OBI1: variants seen among roughly 807,000 people sequenced by gnomAD.
OBI1 encodes the protein ORC ubiquitin ligase 1, also known as ring finger protein 219.
OBI1 carries 59 observed loss-of-function variants against 62.4 expected under a neutral mutation model. The observed-to-expected ratio is 0.95, with a 90% CI of 0.77 to 1.17. OBI1 has a LOEUF of 1.17. Among genes scored for constraint, OBI1 ranks in the 50% most tolerant of loss-of-function variants. The pLI is 0.00. For synonymous variants in OBI1, 302 were observed against 292.8 expected (o/e 1.03, Z -0.32); for missense variants, 875 against 830.9 (o/e 1.05, Z -0.65).
chr13:78,618,195 CT>C (rs1488258177), intron 5 of OBI1, among the ~76,000 whole-genome samples: 3 of 152,064 alleles, frequency 2.0e-5, no homozygotes, highest in African/African-American at 7.2e-5. Context: ...CTCCAAAATT[CT>C]TTTCAAAGCC....
chr13:78,642,085 A>G (rs1486574213), intron 3 of OBI1, 37 bp downstream of exon 3: 1 of 1,253,458 alleles, frequency 8.0e-7, no homozygotes. Context: ...CCTTGAATTC[A>G]CTGCTAACAT....
Position 78,659,111 on chromosome 13 carries a change from T to A in OBI1, c.10A>T (p.Thr4Ser), listed in dbSNP as rs1451013646. MAQ[T>S]VQNVTLSLTL... is the part of the protein sequence containing the mutation. The stretch of plus-strand genomic sequence containing the variant: ...AGCGACAATGTAACATTCTGCACGG[T>A]CTGAGCCATGGCAGCGTTCAGAATC... The change falls in exon 1 of 6, where the codon ACC becomes TCC. Residue 4 changes from threonine (T) to serine (S), a missense_variant. By Grantham distance (58) the Thr-to-Ser change is moderately conservative. Coordinates refer to ENST00000282003, the MANE Select transcript of OBI1 (RefSeq NM_024546.4). 4 of 1,611,196 alleles carry A rather than the reference T, an allele frequency of 2.5e-6. No homozygotes were observed. Among genetic ancestry groups the A allele is most frequent in the Non-Finnish European group, 3.4e-6 (4 of 1,179,178 alleles).
chr13:78,616,996 T>C lies in OBI1; in HGVS notation c.765A>G (p.Ala255=), dbSNP rs1326278439. ...TCTCTTCACTTGAATTTTTTAGCTG[T>C]GCAACTTGAGATTCTAGTTCCTCTA... ...KYIEELESQV[A]QLKNSSEEKE... is the part of the protein sequence containing the mutation. The change falls in exon 6 of 6, where the codon GCA becomes GCG. Residue 255 remains alanine (A), a synonymous_variant. Transcript: ENST00000282003. 3.7e-6 allele frequency: 6 copies of C among 1,614,104 alleles called. No individual in the cohort carries two copies. The highest frequency in any genetic ancestry group is 1.7e-5 in the Admixed American group (1 of 60,008).
intron 3 of OBI1, among the ~76,000 whole-genome samples, chr13:78,639,942 G>T (rs7989543): frequency 0.46 from 68,739 of 149,236 alleles, 17,971 homozygotes; most frequent in African/African-American, 0.72. Flanking sequence ...TGTATACATA[G>T]GTAACTAACC....
intron 1 of OBI1, among the ~76,000 whole-genome samples, chr13:78,656,537 G>C (rs1029054325): frequency 6.6e-6 from 1 of 151,698 alleles, no homozygotes; most frequent in African/African-American, 2.4e-5. Flanking sequence ...AGCCGAGATC[G>C]CGCCATTGCT....
rs1286746889 is a variant in OBI1, at chr13:78,616,319, T to C, written c.1442A>G (p.Glu481Gly). ...STSYAQNLDF[E>G]SSEGNTIANS... ...TGCTATCGTGTTCCCCTCTGAACTTTCAAAATCTAAGTTTTGGGCATAGCT... is the reference window on the plus strand; with the variant it reads ...TGCTATCGTGTTCCCCTCTGAACTTCCAAAATCTAAGTTTTGGGCATAGCT... The change falls in exon 6 of 6, where the codon GAA (glutamate) becomes GGA (glycine). Residue 481 changes from glutamate (E) to glycine (G), a missense_variant. Glu to Gly is a moderately conservative substitution (Grantham distance 98). Transcript: ENST00000282003. 1.9e-6 allele frequency: 3 copies of C among 1,614,128 alleles called. No homozygotes were observed. The highest frequency in any genetic ancestry group is 3.3e-5 in the Admixed American group (2 of 60,024).
intron 5 of OBI1, among the ~76,000 whole-genome samples, chr13:78,633,651 G>C (rs925128731): frequency 1.1e-4 from 17 of 152,068 alleles, no homozygotes; most frequent in African/African-American, 3.6e-4. Flanking sequence ...AGAACCTTAA[G>C]TGCTGTCTGC....
chr13:78,615,636 T>C lies in OBI1; in HGVS notation c.2125A>G (p.Arg709Gly). 6.2e-7 allele frequency: 1 copy of C among 1,613,730 alleles called. No homozygotes were observed. The highest frequency in any genetic ancestry group is 8.5e-7 in the Non-Finnish European group (1 of 1,179,886). Residue 709 changes from arginine to glycine, a missense_variant, in exon 6 of 6, where the codon AGA (arginine) becomes GGA (glycine). Transcript: ENST00000282003. Reference sequence around the variant, plus strand: ...CTGGAAAGGCTGCTCTGGATTTTTCTTTTTGTTGATTGATTCACATTTTTA... The same window carrying C: ...CTGGAAAGGCTGCTCTGGATTTTTCCTTTTGTTGATTGATTCACATTTTTA... ...RNKNVNQSTK[R>G]KIQSSLSSAS...
intron 2 of OBI1, among the ~76,000 whole-genome samples, chr13:78,643,775 C>T (rs995705209): frequency 4.6e-5 from 7 of 151,452 alleles, no homozygotes; most frequent in South Asian, 4.2e-4. Flanking sequence ...GTAACAAGAG[C>T]GAAACTCTGT....
At position 78,615,537 on chromosome 13, in the gene OBI1, A is replaced by T. The variant is rs185185938; in HGVS notation, c.*43T>A. On this transcript the variant is annotated 3_prime_UTR_variant, in exon 6 of 6. Coordinates refer to ENST00000282003, the MANE Select transcript of OBI1 (RefSeq NM_024546.4). ...AAAAGGTAACTTTAACAACTTTTCT[A>T]TTTCTCTCAGGACAAAACCACAAAT... 1.4e-6 allele frequency: 2 copies of T among 1,423,780 alleles called. No individual in the cohort carries two copies. The highest frequency in any genetic ancestry group is 1.9e-6 in the Non-Finnish European group (2 of 1,047,912). 88.2% of individuals were successfully genotyped at this position (1,423,780 alleles called of 1,614,324 possible).
chr13:78,644,275 A>G (rs1876317760), intron 2 of OBI1, among the ~76,000 whole-genome samples: 2 of 152,350 alleles, frequency 1.3e-5, no homozygotes, highest in East Asian at 3.9e-4. Context: ...CCTTCTTCTT[A>G]GTCCTAGAGC....
intron 5 of OBI1, among the ~76,000 whole-genome samples, chr13:78,631,236 G>A (rs1008435328): frequency 6.6e-6 from 1 of 152,096 alleles, no homozygotes; most frequent in South Asian, 2.1e-4. Context: ...TGCAGTGGTT[G>A]CAATAGTGAC....
At chr13:78,620,932 T>A (rs1216981775) in intron 5 of OBI1, among the ~76,000 whole-genome samples, 1 of 152,212 alleles carries the variant, frequency 6.6e-6, no homozygotes, top group African/African-American at 2.4e-5. Flanking sequence ...TGGTTCTCAA[T>A]GGCAATTCCA....
intron 4 of OBI1, among the ~76,000 whole-genome samples, chr13:78,636,354 G>A (rs1876031210): frequency 6.6e-6 from 1 of 152,156 alleles, no homozygotes; most frequent in Non-Finnish European, 1.5e-5. Context: ...ACTAACCTGG[G>A]AAAGGGAAAT....
At chr13:78,648,576 T>C (rs541029979) in intron 1 of OBI1, among the ~76,000 whole-genome samples, 1 of 151,440 alleles carries the variant, frequency 6.6e-6, no homozygotes, top group Non-Finnish European at 1.5e-5. Context: ...TATGAGAGGA[T>C]TCAAGATGCT....
At chr13:78,643,967 A>G (rs1876303556) in intron 2 of OBI1, among the ~76,000 whole-genome samples, 1 of 152,224 alleles carries the variant, frequency 6.6e-6, no homozygotes, top group Admixed American at 6.5e-5. Flanking sequence ...TAAATAACTT[A>G]TATGAGTAGA....
intron 1 of OBI1, among the ~76,000 whole-genome samples, chr13:78,647,107 C>T (rs951227319): frequency 6.6e-6 from 1 of 152,242 alleles, no homozygotes; most frequent in Non-Finnish European, 1.5e-5. Context: ...GCCGCAGGGA[C>T]CTCTGCACAG....
intron 5 of OBI1, among the ~76,000 whole-genome samples, chr13:78,634,737 G>A (rs558826722): frequency 4.6e-5 from 7 of 152,174 alleles, no homozygotes; most frequent in Non-Finnish European, 1.0e-4. Context: ...CAAAGAGAAA[G>A]AACTATATGA....
chr13:78,629,706 T>G (rs1875787485), intron 5 of OBI1, among the ~76,000 whole-genome samples: 1 of 152,140 alleles, frequency 6.6e-6, no homozygotes, highest in African/African-American at 2.4e-5. Context: ...AGTGTTCCCT[T>G]CAGCTTCTTC....
Sources: allele counts gnomAD v4.1 joint callset (sites outside exome capture counted in the v4.1 genomes callset), GRCh38; gene constraint gnomAD v4.1.1; transcripts MANE v1.5; gene names NCBI Gene and HGNC (gene_info 2026-07-23, HGNC 2026-07-21).